Variants in CSMD1 observed in about 807,000 individuals in gnomAD.
CSMD1 encodes CUB and Sushi multiple domains 1, also known as CUB and sushi domain-containing protein 1.
CSMD1 carries 213 observed loss-of-function variants against 417.5 expected under a neutral mutation model. That is an observed-to-expected ratio of 0.51 (90% CI 0.46 to 0.57). CSMD1 has a LOEUF of 0.57. Among genes scored for constraint, CSMD1 ranks in the 20% least tolerant of loss-of-function variants. The probability of loss-of-function intolerance (pLI) is 0.00; values close to 1 mark genes in which losing one functional copy is unlikely to be tolerated. For missense variants in CSMD1, 6,923 were observed against 4,529.7 expected (o/e 1.53, Z -15.17); for synonymous variants, 2,862 against 1,736.8 (o/e 1.65, Z -16.11).
chr8:4,786,256 G>C (rs1230195060), intron 1 of CSMD1, among the ~76,000 whole-genome samples: 1 of 152,078 alleles, frequency 6.6e-6, no homozygotes, highest in Admixed American at 6.5e-5. Context: ...ATCCATTTAG[G>C]ACTATTTTTT....
At chr8:3,409,942 T>C (rs1585121311) in intron 12 of CSMD1, among the ~76,000 whole-genome samples, 2 of 152,206 alleles carry the variant, frequency 1.3e-5, no homozygotes, top group South Asian at 4.1e-4. Context: ...AAAATGCAAA[T>C]ACCAGTTTAA....
chr8:4,190,342 T>A (rs1261547067), intron 3 of CSMD1, among the ~76,000 whole-genome samples: 3 of 151,576 alleles, frequency 2.0e-5, no homozygotes, highest in Non-Finnish European at 4.4e-5. Context: ...TAGGGGCCAG[T>A]TAACTTCTAA....
chr8:3,205,743 T>C, intron 30 of CSMD1, 123 bp from the exon 31 acceptor site: 1 of 493,412 alleles, frequency 2.0e-6, no homozygotes, highest in Non-Finnish European at 3.6e-6. Flanking sequence ...AAATAAGAAG[T>C]TAAAATCTTG....
At chr8:4,608,455 C>T (rs1800997839) in intron 2 of CSMD1, among the ~76,000 whole-genome samples, 1 of 152,074 alleles carries the variant, frequency 6.6e-6, no homozygotes, top group Non-Finnish European at 1.5e-5. Flanking sequence ...GTGGATTGAA[C>T]GTGGAGGAGG....
chr8:3,893,340 TA>T (rs1390959180), intron 5 of CSMD1, among the ~76,000 whole-genome samples: 2 of 22,762 alleles, frequency 8.8e-5, no homozygotes, highest in African/African-American at 3.8e-4. Flanking sequence ...TTCACAATTT[TA>T]TATATATATA....
chr8:4,173,166 G>A (rs931407126), intron 3 of CSMD1, among the ~76,000 whole-genome samples: 25 of 152,216 alleles, frequency 1.6e-4, no homozygotes, highest in African/African-American at 4.6e-4. Flanking sequence ...TTATAATAGC[G>A]CATAAAAATA....
At chr8:3,883,417 T>G (rs1278793299) in intron 5 of CSMD1, among the ~76,000 whole-genome samples, 2 of 152,142 alleles carry the variant, frequency 1.3e-5, no homozygotes, top group South Asian at 2.1e-4. Flanking sequence ...TGTGTATATA[T>G]GTATGTGTGT....
intron 3 of CSMD1, among the ~76,000 whole-genome samples, chr8:4,157,699 G>A (rs1194795936): frequency 2.6e-5 from 4 of 152,332 alleles, no homozygotes; most frequent in Non-Finnish European, 2.9e-5. Flanking sequence ...CCGGCCTTGG[G>A]TGGGTCTGCA....
intron 3 of CSMD1, among the ~76,000 whole-genome samples, chr8:4,206,919 G>A (rs1035294401): frequency 6.6e-6 from 1 of 151,964 alleles, no homozygotes; most frequent in Non-Finnish European, 1.5e-5. Flanking sequence ...TTAGAGTTGG[G>A]CAAATTGCCC....
chr8:4,829,417 T>C (rs1800012417), intron 1 of CSMD1, among the ~76,000 whole-genome samples: 1 of 152,174 alleles, frequency 6.6e-6, no homozygotes, highest in African/African-American at 2.4e-5. Flanking sequence ...TCATACCTTT[T>C]ACTGCTGAAC....
chr8:4,394,390 G>A (rs1804064078), intron 3 of CSMD1, among the ~76,000 whole-genome samples: 1 of 152,078 alleles, frequency 6.6e-6, no homozygotes, highest in South Asian at 2.1e-4. Context: ...CACTAGAAAT[G>A]GTTTTCTTAG....
chr8:3,313,177 C>G (rs1229754420), intron 23 of CSMD1, among the ~76,000 whole-genome samples: 4 of 152,106 alleles, frequency 2.6e-5, no homozygotes, highest in African/African-American at 9.7e-5. Context: ...TAGAAGAAAA[C>G]CTAGGCAATA....
At chr8:4,342,754 G>T (rs991826835) in intron 3 of CSMD1, among the ~76,000 whole-genome samples, 1 of 152,002 alleles carries the variant, frequency 6.6e-6, no homozygotes, top group Non-Finnish European at 1.5e-5. Context: ...TGCAGAAGAC[G>T]TGTTAAAAAG....
rs142978499 is a variant in CSMD1, at chr8:3,012,130, A to G, written c.8029+6347T>C. 1.9e-3 allele frequency among the ~76,000 whole-genome samples: 291 copies of G among 151,848 alleles called. 3 individuals are homozygous for G. The highest frequency in any genetic ancestry group is 0.014 in the Middle Eastern group (4 of 292). On this transcript the variant is annotated intron_variant, in intron 52 of 69. Transcript: ENST00000635120. ...GATCGTGTTGATGAAGGTGGGCTAAATTTTATACTAATGTACTCGGATGCA... is the reference window on the plus strand; with the variant it reads ...GATCGTGTTGATGAAGGTGGGCTAAGTTTTATACTAATGTACTCGGATGCA...
chr8:3,649,176 C>T (rs1230596725), intron 7 of CSMD1, among the ~76,000 whole-genome samples: 2 of 152,118 alleles, frequency 1.3e-5, no homozygotes, highest in African/African-American at 4.8e-5. Flanking sequence ...AACAACTTTT[C>T]GGCAATGGCA....
chr8:3,713,125 G>T (rs1036092788), intron 6 of CSMD1, among the ~76,000 whole-genome samples: 1 of 152,124 alleles, frequency 6.6e-6, no homozygotes, highest in South Asian at 2.1e-4. Context: ...AAATTATGGG[G>T]GAAATATTTT....
At chr8:3,414,595 G>A (rs17066057) in intron 12 of CSMD1, among the ~76,000 whole-genome samples, 5 of 151,896 alleles carry the variant, frequency 3.3e-5, no homozygotes, top group African/African-American at 1.2e-4. Flanking sequence ...AAGGATAACC[G>A]TACCTTGCTT....
chr8:3,949,357 C>A (rs1226987333), intron 5 of CSMD1, among the ~76,000 whole-genome samples: 1 of 152,158 alleles, frequency 6.6e-6, no homozygotes, highest in Non-Finnish European at 1.5e-5. Context: ...CCCAACACCT[C>A]AATCTCACAG....
intron 22 of CSMD1, among the ~76,000 whole-genome samples, 164 bp downstream of exon 22, chr8:3,347,828 T>G (rs1372282216): frequency 1.3e-5 from 2 of 152,174 alleles, no homozygotes; most frequent in African/African-American, 4.8e-5. Flanking sequence ...CTAAGCGAAG[T>G]GACATTACAC....
Sources: allele counts gnomAD v4.1 joint callset (sites outside exome capture counted in the v4.1 genomes callset), GRCh38; gene constraint gnomAD v4.1.1; transcripts MANE v1.5; gene names NCBI Gene and HGNC (gene_info 2026-07-23, HGNC 2026-07-21).